The following TUFT1 variants were observed in gnomAD, a reference collection of about 807,000 sequenced individuals.
TUFT1 encodes the protein tuftelin.
Under a neutral mutation model 57.8 loss-of-function variants are expected in TUFT1, and 43 were observed. The observed-to-expected ratio is 0.74, with a 90% CI of 0.58 to 0.96. The LOEUF (loss-of-function observed/expected upper bound fraction) is 0.96. TUFT1 is among the 40% of genes least tolerant of loss of function. The pLI is 0.00. For missense variants in TUFT1, 459 were observed against 489.0 expected (o/e 0.94, Z 0.58); for synonymous variants, 166 against 176.7 (o/e 0.94, Z 0.48).
chr1:151,569,789 G>T lies in TUFT1; in HGVS notation c.594+19G>T. ...TTTTGAGGTGAGATTTGGGATTTGG[G>T]GAGAAGGTGCCCTAAGGGATGGGCT... On this transcript the variant is annotated intron_variant, in intron 7 of 12. Coordinates refer to ENST00000368849, the MANE Select transcript of TUFT1 (RefSeq NM_020127.3). The T allele has an allele frequency of 6.2e-7, 1 of 1,601,612 alleles. No homozygotes were observed.
At chr1:151,558,579 C>A (rs1276473459) in intron 1 of TUFT1, among the ~76,000 whole-genome samples, 1 of 152,062 alleles carries the variant, frequency 6.6e-6, no homozygotes, top group Non-Finnish European at 1.5e-5. Context: ...CTCCTCTCTA[C>A]CTGGAATTCT....
chr1:151,555,011 A>C (rs1665639081), intron 1 of TUFT1, among the ~76,000 whole-genome samples: 1 of 146,258 alleles, frequency 6.8e-6, no homozygotes, highest in Non-Finnish European at 1.5e-5. Flanking sequence ...CCCTCTTAGC[A>C]GTGTCTTTTG....
intron 11 of TUFT1, 87 bp from the exon 12 acceptor site, chr1:151,580,855 A>C: frequency 8.4e-7 from 1 of 1,187,970 alleles, no homozygotes; most frequent in East Asian, 2.3e-5. Context: ...GCATAAACAC[A>C]GGCAGAGAGA....
rs111475560 is a variant in TUFT1, at chr1:151,583,228, C to G, written c.*1521C>G. Reference sequence around the variant, plus strand: ...GGATTATAGGCTTGAGCTACTGCGCCCGGCCCATGGTGTTTTTCTTTAGGG... The same window carrying G: ...GGATTATAGGCTTGAGCTACTGCGCGCGGCCCATGGTGTTTTTCTTTAGGG... On this transcript the variant is annotated 3_prime_UTR_variant, in exon 13 of 13. Transcript: ENST00000368849. The G allele has an allele frequency of 0.031, 4,718 of 152,264 alleles. 268 individuals carry two copies. Among genetic ancestry groups the G allele is most frequent in the African/African-American group, 0.11 (4,508 of 41,502 alleles). The allele number at this position is 152,264 out of a possible 1,614,324, so 9.4% of individuals were successfully genotyped here. A position where few individuals can be genotyped will look rare whatever the true frequency, so the allele number is the denominator to read the frequency against.
chr1:151,577,083 C>T (rs1666492243), intron 9 of TUFT1, among the ~76,000 whole-genome samples: 4 of 152,148 alleles, frequency 2.6e-5, no homozygotes, highest in Admixed American at 2.6e-4. Context: ...CAACATTTCA[C>T]TTATTACTGG....
chr1:151,575,287 G>A (rs1666428079), intron 9 of TUFT1, among the ~76,000 whole-genome samples: 1 of 152,244 alleles, frequency 6.6e-6, no homozygotes. Context: ...AGCTGGTGGA[G>A]CATCTGCTGT....
chr1:151,561,210 G>C (rs1439186472), intron 1 of TUFT1, among the ~76,000 whole-genome samples: 1 of 152,044 alleles, frequency 6.6e-6, no homozygotes, highest in Non-Finnish European at 1.5e-5. Context: ...GTGTTAGCCA[G>C]GATGGTCTCG....
chr1:151,576,630 G>A (rs868514756), intron 9 of TUFT1, among the ~76,000 whole-genome samples: 106 of 152,140 alleles, frequency 7.0e-4, no homozygotes, highest in Middle Eastern at 3.4e-3. Flanking sequence ...AACATTTTCC[G>A]TATTTATTTA....
At chr1:151,543,162 G>A (rs575914641) in intron 1 of TUFT1, among the ~76,000 whole-genome samples, 38 of 152,238 alleles carry the variant, frequency 2.5e-4, no homozygotes, top group African/African-American at 7.2e-4. Flanking sequence ...GATGCAGCAG[G>A]TACAAGGAGC....
chr1:151,556,361 T>G (rs893981699), intron 1 of TUFT1, among the ~76,000 whole-genome samples: 8 of 149,542 alleles, frequency 5.3e-5, no homozygotes, highest in Non-Finnish European at 1.2e-4. Flanking sequence ...TTTCCCTCCC[T>G]GCCTTCCCTT....
At chr1:151,550,061 A>G (rs1665461027) in intron 1 of TUFT1, among the ~76,000 whole-genome samples, 1 of 150,948 alleles carries the variant, frequency 6.6e-6, no homozygotes, top group South Asian at 2.1e-4. Context: ...TATATGTTTT[A>G]TTATAGGAGT....
intron 1 of TUFT1, 45 bp downstream of exon 1, chr1:151,540,471 G>C: frequency 6.2e-7 from 1 of 1,610,892 alleles, no homozygotes. Context: ...TGTATTCCCG[G>C]TTTCTAAGTC....
chr1:151,557,424 C>T, intron 1 of TUFT1: 3 of 1,055,398 alleles, frequency 2.8e-6, no homozygotes, highest in Non-Finnish European at 4.3e-6. Context: ...CAGCCCCAGC[C>T]CCGGCCCCTA....
intron 12 of TUFT1, 99 bp from the exon 13 acceptor site, chr1:151,581,545 A>C (rs1264531033): frequency 1.6e-5 from 19 of 1,208,882 alleles, no homozygotes; most frequent in Non-Finnish European, 2.2e-5. Context: ...GCAGTGTAAG[A>C]TTCCAGAGGC....
intron 1 of TUFT1, among the ~76,000 whole-genome samples, chr1:151,560,146 G>A (rs781319285): frequency 8.0e-5 from 12 of 150,910 alleles, no homozygotes; most frequent in Admixed American, 4.0e-4. Flanking sequence ...GGCCGGGTGC[G>A]GTGGCTCACG....
chr1:151,540,356 C>T lies in TUFT1; in HGVS notation c.-11C>T, dbSNP rs745791294. 6 of 1,614,082 alleles carry T rather than the reference C, an allele frequency of 3.7e-6. No homozygotes were observed. The highest frequency in any genetic ancestry group is 5.1e-6 in the Non-Finnish European group (6 of 1,179,966). On this transcript the variant is annotated 5_prime_UTR_variant, in exon 1 of 13. Coordinates refer to ENST00000368849, the MANE Select transcript of TUFT1 (RefSeq NM_020127.3). Reference sequence around the variant, plus strand: ...GGACAAGTGGCGTGTGTGCTGCGACCCCGAGGGAAGATGAACGGGACGCGG... The same window carrying T: ...GGACAAGTGGCGTGTGTGCTGCGACTCCGAGGGAAGATGAACGGGACGCGG...
intron 1 of TUFT1, among the ~76,000 whole-genome samples, chr1:151,556,219 T>G (rs1452590160): frequency 6.6e-6 from 1 of 152,250 alleles, no homozygotes; most frequent in African/African-American, 2.4e-5. Context: ...ATAACAGATG[T>G]GCCACAGTTT....
intron 1 of TUFT1, among the ~76,000 whole-genome samples, chr1:151,560,189 G>A (rs1485172830): frequency 6.6e-6 from 1 of 151,120 alleles, no homozygotes; most frequent in African/African-American, 2.4e-5. Flanking sequence ...AGGCTGAGGC[G>A]GGAGGATCAC....
At position 151,580,986 on chromosome 1, in the gene TUFT1, A is replaced by G. The variant is rs1476040228; in HGVS notation, c.1053A>G (p.Gln351=). ...GGATGGAACACCTGATAGAAAAACA[A>G]ATCAGTCATGGCAACTTCAGCACCC... is the stretch of plus-strand genomic sequence containing the variant. ...HDRMEHLIEK[Q]ISHGNFSTQA... The change falls in exon 12 of 13, where the codon CAA becomes CAG. Residue 351 remains glutamine, a synonymous_variant. Coordinates refer to ENST00000368849, the MANE Select transcript of TUFT1 (RefSeq NM_020127.3). 1 of 1,614,182 alleles carries G rather than the reference A, an allele frequency of 6.2e-7. No homozygotes were observed. Among genetic ancestry groups the G allele is most frequent in the Non-Finnish European group, 8.5e-7 (1 of 1,180,034 alleles).
Sources: gnomAD v4.1 joint callset for allele counts (sites outside exome capture counted in the v4.1 genomes callset) on GRCh38, gnomAD v4.1.1 for gene constraint, MANE v1.5 for transcripts, NCBI Gene and HGNC (gene_info 2026-07-23, HGNC 2026-07-21) for gene names.